GALNT12: variants seen among roughly 807,000 people sequenced by gnomAD.
GALNT12 encodes the protein UDP-GalNAc:polypeptide N-acetylgalactosaminyltransferase 12.
A neutral mutation model predicts 55.5 loss-of-function variants in GALNT12; 45 were observed. The observed-to-expected ratio is 0.81, with a 90% CI of 0.64 to 1.04. The LOEUF is 1.04. Among genes scored for constraint, GALNT12 ranks in the 50% least tolerant of loss-of-function variants. The pLI is 0.00. For synonymous variants in GALNT12, 304 were observed against 312.2 expected, an observed-to-expected ratio of 0.97 and a Z score of 0.28; for missense variants, 709 against 754.8, an observed-to-expected ratio of 0.94 and a Z score of 0.71.
Position 98,849,171 on chromosome 9 carries a change from A to G in GALNT12, c.*79A>G. ...CCAACAAAGACTTAGCTAAGCAGTGACCAGAACCCACCAAAAACTAGGCTG... is the reference window on the plus strand; with the variant it reads ...CCAACAAAGACTTAGCTAAGCAGTGGCCAGAACCCACCAAAAACTAGGCTG... On this transcript the variant is annotated 3_prime_UTR_variant, in exon 10 of 10. Transcript: ENST00000375011. 1.4e-6 allele frequency: 2 copies of G among 1,456,144 alleles called. No homozygotes were observed. The highest frequency in any genetic ancestry group is 1.9e-6 in the Non-Finnish European group (2 of 1,040,432). The allele number at this position is 1,456,144 out of a possible 1,614,324, so 90.2% of individuals were successfully genotyped here. A position where few individuals can be genotyped will look rare whatever the true frequency, so the allele number is the denominator to read the frequency against.
Position 98,814,937 on chromosome 9 carries a change from C to G in GALNT12, c.371+6868C>G, listed in dbSNP as rs144522517. On this transcript the variant is annotated intron_variant, in intron 1 of 9. Coordinates refer to ENST00000375011, the MANE Select transcript of GALNT12 (RefSeq NM_024642.5). ...CGTGCTGAAAATACAGAGACAAACA[C>G]AGCTCAGTCTCTGCCCTTACAAAGC... Among the ~76,000 whole-genome samples, 359 of 152,284 alleles carry G rather than the reference C, an allele frequency of 2.4e-3. 1 individual carries two copies. Among genetic ancestry groups the G allele is most frequent in the African/African-American group, 8.4e-3 (348 of 41,570 alleles).
chr9:98,838,592 G>C (rs1836213672), intron 6 of GALNT12, among the ~76,000 whole-genome samples: 1 of 152,234 alleles, frequency 6.6e-6, no homozygotes, highest in Non-Finnish European at 1.5e-5. Context: ...GACCATTGTG[G>C]ATGAGGGATC....
intron 6 of GALNT12, among the ~76,000 whole-genome samples, chr9:98,837,986 G>GT (rs1270440704): frequency 6.6e-6 from 1 of 152,194 alleles, no homozygotes; most frequent in Admixed American, 6.5e-5. Context: ...GGGATACCTG[G>GT]TGTCACAGGC....
intron 1 of GALNT12, 45 bp downstream of exon 1, chr9:98,808,114 G>A (rs1835419206): frequency 6.7e-7 from 1 of 1,487,684 alleles, no homozygotes; most frequent in African/African-American, 1.4e-5. Context: ...CAGAGCCCCG[G>A]GCCTCAGTTT....
At chr9:98,821,012 G>C (rs534617353) in intron 1 of GALNT12, among the ~76,000 whole-genome samples, 3 of 152,150 alleles carry the variant, frequency 2.0e-5, no homozygotes, top group Non-Finnish European at 2.9e-5. Flanking sequence ...ATTTTCTTTA[G>C]AAATAATCTG....
At chr9:98,839,279 T>C (rs1309536506) in intron 6 of GALNT12, among the ~76,000 whole-genome samples, 2 of 152,254 alleles carry the variant, frequency 1.3e-5, no homozygotes, top group Admixed American at 6.5e-5. Context: ...TGAAATCTTA[T>C]TCAAACATGT....
rs574487609 is a variant in GALNT12 at position 98,835,791 on chromosome 9, A to G, written c.1035+425A>G. On this transcript the variant is annotated intron_variant, in intron 5 of 9. Transcript: ENST00000375011. ...CGCTCTGTCGCCCAGGCTGGAGCGC[A>G]GTGGCACGATCTCAGCTCACTGCAA... Among the ~76,000 whole-genome samples the G allele has an allele frequency of 1.4e-3, 216 of 151,718 alleles. 1 individual carries two copies. The highest frequency in any genetic ancestry group is 4.8e-3 in the African/African-American group (197 of 41,302).
chr9:98,840,267 C>A, intron 7 of GALNT12, 134 bp downstream of exon 7: 1 of 1,016,792 alleles, frequency 9.8e-7, no homozygotes, highest in Non-Finnish European at 1.5e-6. Context: ...TGCCCACCCC[C>A]CACCACCTTT....
At position 98,823,427 on chromosome 9, in the gene GALNT12, T is replaced by A. The variant is rs767545154; in HGVS notation, c.541+2T>A. On this transcript the variant is annotated splice_donor_variant, in intron 2 of 9. Transcript: ENST00000375011. LOFTEE classifies it high-confidence loss of function. ...TTGTAGATGACTACAGTGATAGAGG[T>A]GAGTCCCGGCCAGGGCTCTGGGAAG... is the stretch of plus-strand genomic sequence containing the variant. 6.2e-7 allele frequency: 1 copy of A among 1,613,762 alleles called. No homozygotes were observed. The highest frequency in any genetic ancestry group is 8.5e-7 in the Non-Finnish European group (1 of 1,179,658).
chr9:98,811,654 C>CTGACTCTT (rs981996939), intron 1 of GALNT12, among the ~76,000 whole-genome samples: 1 of 149,490 alleles, frequency 6.7e-6, no homozygotes, highest in Non-Finnish European at 1.5e-5. Flanking sequence ...GATTTGGGTG[C>CTGACTCTT]TGGGATGGCA....
chr9:98,836,946 TG>T (rs1249537020), intron 5 of GALNT12, 25 bp from the exon 6 acceptor site: 1 of 1,613,622 alleles, frequency 6.2e-7, no homozygotes, highest in East Asian at 2.2e-5. Flanking sequence ...GCTCACCACC[TG>T]GCCTCTCCTT....
intron 1 of GALNT12, among the ~76,000 whole-genome samples, chr9:98,820,704 C>T (rs1835716988): frequency 6.6e-6 from 1 of 152,250 alleles, no homozygotes; most frequent in Admixed American, 6.5e-5. Flanking sequence ...AACTAATTTA[C>T]ACTCCCAACA....
chr9:98,832,391 T>G (rs1414039483), intron 4 of GALNT12, among the ~76,000 whole-genome samples: 1 of 152,130 alleles, frequency 6.6e-6, no homozygotes, highest in African/African-American at 2.4e-5. Context: ...TGCTAGTGTG[T>G]ATCTGTAGGC....
chr9:98,833,361 G>T (rs1836048601), intron 4 of GALNT12, among the ~76,000 whole-genome samples: 2 of 152,130 alleles, frequency 1.3e-5, no homozygotes, highest in Admixed American at 1.3e-4. Flanking sequence ...CCCGCTGCTG[G>T]CAGGAGTGGA....
At chr9:98,842,953 A>G (rs1376247685) in intron 7 of GALNT12, among the ~76,000 whole-genome samples, 1 of 152,168 alleles carries the variant, frequency 6.6e-6, no homozygotes, top group Non-Finnish European at 1.5e-5. Context: ...TGTGAATTTT[A>G]TACTTATAGC....
At chr9:98,820,847 T>C (rs1057508278) in intron 1 of GALNT12, among the ~76,000 whole-genome samples, 3 of 152,218 alleles carry the variant, frequency 2.0e-5, no homozygotes, top group African/African-American at 7.2e-5. Flanking sequence ...TGTCGTGTCT[T>C]CCAACCCAGG....
intron 1 of GALNT12, among the ~76,000 whole-genome samples, chr9:98,821,483 G>A (rs1034098934): frequency 3.3e-5 from 5 of 151,924 alleles, no homozygotes; most frequent in African/African-American, 1.2e-4. Context: ...AAATTAGCCG[G>A]GTGTGGTGGC....
In GALNT12 at chr9:98,837,101, G is replaced by C. The variant is rs944633026; in HGVS notation, c.1165G>C (p.Asp389His). The C allele has an allele frequency of 6.2e-7, 1 of 1,614,040 alleles. No homozygotes were observed. Among genetic ancestry groups the C allele is most frequent in the Non-Finnish European group, 8.5e-7 (1 of 1,180,042 alleles). The change falls in exon 6 of 10, where the codon GAT becomes CAT. Residue 389 changes from aspartate (D) to histidine (H), a missense_variant. Around this residue, in one of 5 missense-constraint regions of GALNT12, gnomAD observed 262 missense variants for 310.7 expected, o/e 0.84. Transcript: ENST00000375011. Reference protein sequence around the residue: ...NSVRAAEVWMDEFKELYYHRN... With the variant: ...NSVRAAEVWMHEFKELYYHRN... ...TGTTCGTGCAGCTGAAGTATGGATG[G>C]ATGAATTTAAAGAGCTCTACTACCA...
chr9:98,838,116 G>A (rs541820518), intron 6 of GALNT12, among the ~76,000 whole-genome samples: 55 of 152,264 alleles, frequency 3.6e-4, no homozygotes, highest in African/African-American at 1.2e-3. Flanking sequence ...GGACACATCC[G>A]CCTTATTAGT....
Sources: allele counts gnomAD v4.1 joint callset (sites outside exome capture counted in the v4.1 genomes callset), GRCh38; gene constraint gnomAD v4.1.1; regional missense constraint gnomAD v4.1.1; transcripts MANE v1.5; gene names NCBI Gene and HGNC (gene_info 2026-07-23, HGNC 2026-07-21).